CUBN: variants seen among roughly 807,000 people sequenced by gnomAD.
CUBN encodes cubilin.
A neutral mutation model predicts 405.3 loss-of-function variants in CUBN; 282 were observed. The observed-to-expected ratio is 0.70, with a 90% CI of 0.63 to 0.77. The LOEUF (loss-of-function observed/expected upper bound fraction) is 0.77, where lower values mean the gene tolerates loss of function less well. Among genes scored for constraint, CUBN ranks in the 30% least tolerant of loss-of-function variants. The probability of loss-of-function intolerance (pLI) is 0.00; values close to 1 mark genes in which losing one functional copy is unlikely to be tolerated. For missense variants in CUBN, 4,514 were observed against 4,475.2 expected (o/e 1.01, Z -0.25); for synonymous variants, 1,684 against 1,617.0 (o/e 1.04, Z -0.99).
chr10:16,919,551 G>A (rs1440526910), intron 44 of CUBN, among the ~76,000 whole-genome samples: 3 of 152,092 alleles, frequency 2.0e-5, no homozygotes, highest in African/African-American at 4.8e-5. Flanking sequence ...GTACTGTTCC[G>A]ACAGTGCTGA....
At chr10:16,919,389 T>C (rs1024348077) in intron 44 of CUBN, among the ~76,000 whole-genome samples, 2 of 152,254 alleles carry the variant, frequency 1.3e-5, no homozygotes, top group African/African-American at 4.8e-5. Context: ...TTCATGCAAA[T>C]GTATACATAC....
chr10:17,071,350 G>A, intron 19 of CUBN, 76 bp downstream of exon 19: 2 of 1,454,060 alleles, frequency 1.4e-6, no homozygotes, highest in Non-Finnish European at 1.9e-6. Flanking sequence ...TCCTATAACA[G>A]ATTTGAAGAC....
chr10:16,844,091 G>A (rs1344490870), intron 60 of CUBN, among the ~76,000 whole-genome samples: 1 of 152,004 alleles, frequency 6.6e-6, no homozygotes, highest in Non-Finnish European at 1.5e-5. Context: ...CCAAAATGGA[G>A]AAACCCCATC....
At position 17,068,170 on chromosome 10, in the gene CUBN, G is replaced by A. The variant is rs1588621913; in HGVS notation, c.2902C>T (p.His968Tyr). The change falls in exon 21 of 67, where the codon CAC (histidine) becomes TAC (tyrosine). Residue 968 changes from histidine to tyrosine, a missense_variant. By Grantham distance (83) the His-to-Tyr change is moderately conservative (BLOSUM62 2). This residue lies in a region of CUBN where 1,448 missense variants were observed against 1,388.0 expected (regional missense o/e 1.04). Coordinates refer to ENST00000377833, the MANE Select transcript of CUBN (RefSeq NM_001081.4). ...CTWHILVQPN[H>Y]LIHLMFETFH... The stretch of plus-strand genomic sequence containing the variant: ...GTTTCGAACATTAAATGAATCAGGT[G>A]ATTAGGTTGGACTAATATATGCCAA... The A allele has an allele frequency of 6.2e-7, 1 of 1,613,652 alleles. No individual in the cohort carries two copies. The highest frequency in any genetic ancestry group is 1.3e-5 in the African/African-American group (1 of 75,038).
At chr10:17,008,456 G>T (rs887137611) in intron 28 of CUBN, among the ~76,000 whole-genome samples, 1 of 147,718 alleles carries the variant, frequency 6.8e-6, no homozygotes, top group Non-Finnish European at 1.5e-5. Flanking sequence ...GTGTGTGTGT[G>T]TGTGTGTGCG....
At chr10:17,080,178 T>A (rs1325019740) in intron 17 of CUBN, among the ~76,000 whole-genome samples, 12 of 152,314 alleles carry the variant, frequency 7.9e-5, no homozygotes, top group South Asian at 4.1e-4. Flanking sequence ...CATTTTTTAT[T>A]TCTTTCTCAA....
At chr10:16,935,128 G>GT (rs781027541) in intron 39 of CUBN, among the ~76,000 whole-genome samples, 1 of 151,990 alleles carries the variant, frequency 6.6e-6, no homozygotes, top group Non-Finnish European at 1.5e-5. Flanking sequence ...ACATATGAGT[G>GT]TTTTTTCTTT....
At chr10:16,937,323 G>T (rs1842537037) in intron 39 of CUBN, among the ~76,000 whole-genome samples, 2 of 152,072 alleles carry the variant, frequency 1.3e-5, no homozygotes, top group South Asian at 2.1e-4. Context: ...TTCTAAAGTG[G>T]TCTCTAGAAA....
At chr10:16,948,737 C>T (rs1842849471) in intron 34 of CUBN, 131 bp from the exon 35 acceptor site, 2 of 1,101,786 alleles carry the variant, frequency 1.8e-6, no homozygotes, top group Non-Finnish European at 2.7e-6. Context: ...AGGAGAACCA[C>T]TTCATTCAGG....
intron 50 of CUBN, 141 bp from the exon 51 acceptor site, chr10:16,904,256 T>C: frequency 1.2e-6 from 1 of 805,132 alleles, no homozygotes; most frequent in Non-Finnish European, 2.1e-6. Context: ...GCACAATATT[T>C]GTGTGTCTCT....
At chr10:16,848,005 T>C (rs889582522) in intron 60 of CUBN, among the ~76,000 whole-genome samples, 2 of 152,202 alleles carry the variant, frequency 1.3e-5, no homozygotes, top group Non-Finnish European at 2.9e-5. Flanking sequence ...GCCAGTTTAG[T>C]GGTAGTTGGA....
intron 22 of CUBN, among the ~76,000 whole-genome samples, chr10:17,049,709 C>T (rs7091314): frequency 0.027 from 4,038 of 152,246 alleles, 196 homozygotes; most frequent in African/African-American, 0.091. Context: ...ATGCTTTACC[C>T]TTTACCTAAC....
rs750045664 is a variant in CUBN, at chr10:16,851,371, T to A, written c.9527A>T (p.Asn3176Ile). ...GTTTAAATTCTTGTCATACATTCCA[T>A]TCGAATCAGAATCAGGAGAGGCAAA... ...NTFASPDSDS[N>I]GMYDKNLNCV... The change falls in exon 60 of 67, where the codon AAT (asparagine) becomes ATT (isoleucine). Residue 3176 changes from asparagine to isoleucine, a missense_variant. Coordinates refer to ENST00000377833, the MANE Select transcript of CUBN (RefSeq NM_001081.4). 2 of 1,614,168 alleles carry A rather than the reference T, an allele frequency of 1.2e-6. No homozygotes were observed. The highest frequency in any genetic ancestry group is 1.1e-5 in the South Asian group (1 of 91,086).
intron 53 of CUBN, among the ~76,000 whole-genome samples, chr10:16,899,603 A>T (rs1841297865): frequency 6.6e-6 from 1 of 152,232 alleles, no homozygotes; most frequent in Non-Finnish European, 1.5e-5. Context: ...TAACTGGACT[A>T]GAGAAAGTGA....
At position 16,840,890 on chromosome 10, in the gene CUBN, A is replaced by T. The variant is rs1426121589; in HGVS notation, c.9821T>A (p.Met3274Lys). 6.2e-7 allele frequency: 1 copy of T among 1,610,672 alleles called. No homozygotes were observed. The highest frequency in any genetic ancestry group is 2.2e-5 in the East Asian group (1 of 44,880). The stretch of plus-strand genomic sequence containing the variant: ...AAATGCTTCTATTTACTCACTGTCC[A>T]TGATGGTGTATGTAGCATTAAATCC... ...REGFNATYTI[M>K]DMPCGGTYNA... The change falls in exon 61 of 67, where the codon ATG (methionine) becomes AAG (lysine). Residue 3274 changes from methionine to lysine, a missense_variant. Met to Lys is a moderately conservative substitution (Grantham distance 95). Around this residue, in one of 5 missense-constraint regions of CUBN, gnomAD observed 1,186 missense variants for 1,186.9 expected, o/e 1.00. Transcript: ENST00000377833.
At chr10:16,952,871 G>A (rs1842956066) in intron 32 of CUBN, among the ~76,000 whole-genome samples, 2 of 152,230 alleles carry the variant, frequency 1.3e-5, no homozygotes, top group Admixed American at 6.5e-5. Context: ...CGTAAGAGGA[G>A]TCTTGCTGAG....
intron 28 of CUBN, 140 bp downstream of exon 28, chr10:17,019,693 T>A: frequency 1.0e-6 from 1 of 993,482 alleles, no homozygotes; most frequent in South Asian, 1.4e-5. Flanking sequence ...TCTAAGTATA[T>A]TTCTTAAACC....
chr10:16,872,196 C>T (rs1439529201), intron 58 of CUBN, among the ~76,000 whole-genome samples: 3 of 152,086 alleles, frequency 2.0e-5, no homozygotes, highest in East Asian at 3.9e-4. Context: ...GCTGAGATCA[C>T]GCCACTGCAC....
chr10:16,851,344 CA>C lies in CUBN; in HGVS notation c.9553del (p.Cys3185ValfsTer5), dbSNP rs1387820490. The C allele has an allele frequency of 5.0e-6, 8 of 1,613,956 alleles. No homozygotes were observed. Among genetic ancestry groups the C allele is most frequent in the African/African-American group, 1.3e-5 (1 of 74,916 alleles). On this transcript the variant is annotated frameshift_variant, in exon 60 of 67. Coordinates refer to ENST00000377833, the MANE Select transcript of CUBN (RefSeq NM_001081.4). LOFTEE classifies it high-confidence loss of function. ...TACAGGTGCAATTATGATCCATACA[CA>C]GTTTAAATTCTTGTCATACATTCCA... The part of the protein sequence containing the change: ...SNGMYDKNLN[C>X]VWIIIAPVNK...
Sources: allele counts gnomAD v4.1 joint callset (sites outside exome capture counted in the v4.1 genomes callset), GRCh38; gene constraint gnomAD v4.1.1; regional missense constraint gnomAD v4.1.1; transcripts MANE v1.5; gene names NCBI Gene and HGNC (gene_info 2026-07-23, HGNC 2026-07-21).